Variants in NBEA observed in about 807,000 individuals in gnomAD.
The protein encoded by NBEA is neurobeachin.
In NBEA, 44 loss-of-function variants were observed where a neutral mutation model predicts 343.4. The ratio of observed to expected loss-of-function variants is 0.13; its 90% CI spans 0.10 to 0.16. The LOEUF (loss-of-function observed/expected upper bound fraction) is 0.16, where lower values mean the gene tolerates loss of function less well. Ranked by LOEUF, NBEA falls within the 10% of genes least tolerant of loss-of-function variation. The pLI is 1.00. For missense variants in NBEA, 2,555 were observed against 3,631.3 expected, an observed-to-expected ratio of 0.70 and a Z score of 7.62; for synonymous variants, 1,175 against 1,238.7, an observed-to-expected ratio of 0.95 and a Z score of 1.08.
chr13:35,249,836 T>C (rs1223186054), intron 34 of NBEA, among the ~76,000 whole-genome samples: 1 of 152,200 alleles, frequency 6.6e-6, no homozygotes, highest in East Asian at 1.9e-4. Flanking sequence ...CAAGTTTCTA[T>C]CAACATATAG....
At chr13:35,581,051 G>C (rs2081005958) in intron 45 of NBEA, among the ~76,000 whole-genome samples, 2 of 152,116 alleles carry the variant, frequency 1.3e-5, no homozygotes, top group African/African-American at 2.4e-5. Flanking sequence ...GGATTGCACA[G>C]ACATTTTATG....
chr13:35,047,973 C>G (rs2062924898), intron 4 of NBEA, among the ~76,000 whole-genome samples: 1 of 151,648 alleles, frequency 6.6e-6, no homozygotes. Flanking sequence ...TCCTATATTA[C>G]TCCTTTTCTG....
intron 34 of NBEA, among the ~76,000 whole-genome samples, chr13:35,263,596 A>G (rs1050111577): frequency 1.1e-4 from 16 of 152,172 alleles, no homozygotes; most frequent in African/African-American, 3.9e-4. Context: ...CCATAAAGGA[A>G]TAAAAGTAGA....
Position 35,149,672 on chromosome 13 carries a change from G to A in NBEA, c.2446-6102G>A, listed in dbSNP as rs2068650332. Among the ~76,000 whole-genome samples, 3 of 152,074 alleles carry A rather than the reference G, an allele frequency of 2.0e-5. No individual in the cohort carries two copies. In the South Asian group the frequency reaches 6.2e-4, roughly 32 times the overall value. ...CCTACTAACTGGTTTGGTCAATGAT[G>A]CCTATGTAAGTTTTTAATCATTGTT... On this transcript the variant is annotated intron_variant, in intron 18 of 58. Coordinates refer to ENST00000379939, the MANE Select transcript of NBEA (RefSeq NM_001385012.1).
At chr13:35,130,547 G>A (rs753645837) in intron 17 of NBEA, among the ~76,000 whole-genome samples, 8 of 151,990 alleles carry the variant, frequency 5.3e-5, no homozygotes, top group Non-Finnish European at 1.0e-4. Flanking sequence ...TTTCAAATGC[G>A]TATACACTTA....
chr13:35,264,416 C>T (rs1282069945), intron 34 of NBEA, among the ~76,000 whole-genome samples: 1 of 151,828 alleles, frequency 6.6e-6, no homozygotes, highest in Non-Finnish European at 1.5e-5. Flanking sequence ...CCAGCATTTC[C>T]TTGATACCAA....
intron 55 of NBEA, among the ~76,000 whole-genome samples, chr13:35,657,642 T>C (rs1486988183): frequency 6.6e-6 from 1 of 152,234 alleles, no homozygotes; most frequent in African/African-American, 2.4e-5. Flanking sequence ...TGTTCACATA[T>C]TTCCAAATTG....
At chr13:35,419,370 T>C (rs1017431153) in intron 38 of NBEA, among the ~76,000 whole-genome samples, 6 of 151,978 alleles carry the variant, frequency 3.9e-5, no homozygotes, top group African/African-American at 1.4e-4. Flanking sequence ...TTGAGCCTAT[T>C]TTATAAGGGC....
chr13:35,363,237 G>T (rs1367648512), intron 38 of NBEA, among the ~76,000 whole-genome samples: 6 of 151,842 alleles, frequency 4.0e-5, no homozygotes, highest in South Asian at 4.1e-4. Context: ...AATTTTACTG[G>T]TGTAAAGCCC....
intron 49 of NBEA, among the ~76,000 whole-genome samples, chr13:35,634,734 A>G (rs971056286): frequency 1.3e-5 from 2 of 152,162 alleles, no homozygotes; most frequent in African/African-American, 4.8e-5. Flanking sequence ...GTAGTTTTTA[A>G]TATTACCAAC....
At chr13:35,426,062 T>C (rs1269702848) in intron 38 of NBEA, among the ~76,000 whole-genome samples, 4 of 152,174 alleles carry the variant, frequency 2.6e-5, no homozygotes, top group African/African-American at 9.7e-5. Context: ...AGATGGGTTT[T>C]CTGAATACAG....
chr13:35,078,174 C>G (rs940961360), intron 10 of NBEA, among the ~76,000 whole-genome samples: 6 of 152,156 alleles, frequency 3.9e-5, no homozygotes, highest in African/African-American at 7.2e-5. Context: ...CATAGGTAAT[C>G]TGTATACCAA....
chr13:35,668,228 A>T, intron 57 of NBEA, 140 bp from the exon 58 acceptor site: 1 of 659,430 alleles, frequency 1.5e-6, no homozygotes, highest in Non-Finnish European at 2.4e-6. Context: ...GACTGACAGT[A>T]GGCAATAATG....
intron 8 of NBEA, among the ~76,000 whole-genome samples, chr13:35,060,951 A>G (rs2063447089): frequency 6.6e-6 from 1 of 151,730 alleles, no homozygotes; most frequent in Non-Finnish European, 1.5e-5. Context: ...TTAGTGTTGT[A>G]TAATAACATA....
chr13:35,433,199 A>C (rs1026004097), intron 39 of NBEA, among the ~76,000 whole-genome samples: 1 of 152,116 alleles, frequency 6.6e-6, no homozygotes, highest in African/African-American at 2.4e-5. Flanking sequence ...TCTGCTAAGA[A>C]GTATCTTAGG....
intron 22 of NBEA, 53 bp from the exon 23 acceptor site, chr13:35,161,697 A>T: frequency 7.1e-7 from 1 of 1,412,028 alleles, no homozygotes; most frequent in Non-Finnish European, 9.8e-7. Flanking sequence ...GTTTCATTTT[A>T]AAATGAGGCA....
At chr13:35,043,433 A>G (rs1346505129) in intron 2 of NBEA, among the ~76,000 whole-genome samples, 1 of 151,924 alleles carries the variant, frequency 6.6e-6, no homozygotes, top group Non-Finnish European at 1.5e-5. Flanking sequence ...AAAGGTTGCC[A>G]TTGCAGCTAA....
chr13:34,952,832 A>AT (rs1319843099), intron 1 of NBEA, among the ~76,000 whole-genome samples: 1 of 152,048 alleles, frequency 6.6e-6, no homozygotes, highest in Admixed American at 6.6e-5. Context: ...ATGTTATTTA[A>AT]TTTTTTTACA....
At chr13:35,412,973 AGTAGATATGT>A (rs1441283582) in intron 38 of NBEA, among the ~76,000 whole-genome samples, 1 of 152,170 alleles carries the variant, frequency 6.6e-6, no homozygotes, top group Non-Finnish European at 1.5e-5. Flanking sequence ...TTGAGTAGTG[AGTAGATATGT>A]GTACAATATT....
Sources: allele counts gnomAD v4.1 joint callset (sites outside exome capture counted in the v4.1 genomes callset), GRCh38; gene constraint gnomAD v4.1.1; transcripts MANE v1.5; gene names NCBI Gene and HGNC (gene_info 2026-07-23, HGNC 2026-07-21).